IKZF4: variants seen among roughly 807,000 people sequenced by gnomAD.
IKZF4 encodes IKAROS family zinc finger 4.
IKZF4 carries 11 observed loss-of-function variants against 47.7 expected under a neutral mutation model. The observed-to-expected ratio is 0.23, with a 90% CI of 0.15 to 0.38. The LOEUF (loss-of-function observed/expected upper bound fraction) is 0.38. Among genes scored for constraint, IKZF4 ranks in the 10% least tolerant of loss-of-function variants. The pLI is 1.00. For missense variants in IKZF4, 557 were observed against 784.9 expected (o/e 0.71, Z 3.47); for synonymous variants, 298 against 299.4 (o/e 1.00, Z 0.05).
chr12:56,023,895 T>G (rs1213452845), intron 2 of IKZF4, 131 bp downstream of exon 2: 11 of 1,494,436 alleles, frequency 7.4e-6, no homozygotes, highest in African/African-American at 2.8e-5. Context: ...TTTAGGCCTG[T>G]GTGCACACAT....
chr12:56,008,442 C>T (rs1257960006), intron 1 of IKZF4, among the ~76,000 whole-genome samples: 1 of 152,136 alleles, frequency 6.6e-6, no homozygotes, highest in Non-Finnish European at 1.5e-5. Flanking sequence ...CCTGTACCTC[C>T]TCACACAAAC....
intron 2 of IKZF4, 153 bp from the exon 3 acceptor site, chr12:56,024,901 A>C: frequency 6.7e-7 from 1 of 1,488,616 alleles, no homozygotes; most frequent in Non-Finnish European, 8.9e-7. Flanking sequence ...TGGCGGGGGC[A>C]CAAGGTATGG....
chr12:56,023,021 G>A (rs1224556208), intron 1 of IKZF4, among the ~76,000 whole-genome samples: 1 of 152,006 alleles, frequency 6.6e-6, no homozygotes, highest in Non-Finnish European at 1.5e-5. Flanking sequence ...GGATGGTCTC[G>A]ATCTCCTGAC....
At chr12:56,033,504 A>G (rs941175669) in intron 7 of IKZF4, among the ~76,000 whole-genome samples, 183 bp downstream of exon 7, 1 of 152,104 alleles carries the variant, frequency 6.6e-6, no homozygotes, top group Non-Finnish European at 1.5e-5. Flanking sequence ...TCAGAAGATC[A>G]AGACCATCCC....
chr12:56,033,362 A>G, intron 7 of IKZF4, 41 bp downstream of exon 7: 2 of 1,611,372 alleles, frequency 1.2e-6, no homozygotes, highest in Non-Finnish European at 1.7e-6. Flanking sequence ...TTTAAGCCAC[A>G]GCTCAAATAA....
intron 1 of IKZF4, 154 bp downstream of exon 1, chr12:56,021,734 CG>C: frequency 1.3e-6 from 1 of 779,560 alleles, no homozygotes. Context: ...GTGTGTGTAG[CG>C]GGGGAGGGGG....
intron 2 of IKZF4, among the ~76,000 whole-genome samples, chr12:56,011,895 A>G (rs1467229402): frequency 6.6e-6 from 1 of 152,042 alleles, no homozygotes; most frequent in East Asian, 1.9e-4. Flanking sequence ...TCCCTCCTCA[A>G]TTATGCAAAG....
rs1381768763 is a variant in IKZF4 at position 56,035,399 on chromosome 12, A to G, written c.*68A>G. 5 of 1,517,758 alleles carry G rather than the reference A, an allele frequency of 3.3e-6. No individual in the cohort carries two copies. Among genetic ancestry groups the G allele is most frequent in the Non-Finnish European group, 4.4e-6 (5 of 1,126,232 alleles). 94.0% of individuals were successfully genotyped at this position (1,517,758 alleles called of 1,614,324 possible). ...ACTACAGGCATTGATCCCTGTCCCCACCATTTCCCAAGGAGTTTTGCTTTG... is the reference window on the plus strand; with the variant it reads ...ACTACAGGCATTGATCCCTGTCCCCGCCATTTCCCAAGGAGTTTTGCTTTG... On this transcript the variant is annotated 3_prime_UTR_variant, in exon 8 of 8. Transcript: ENST00000547167. The surrounding 1 kb of genome is among the most constrained non-coding windows in gnomAD (Gnocchi z 6.1).
At chr12:56,018,559 C>G (rs1273853405), upstream of IKZF4, among the ~76,000 whole-genome samples, 1 of 151,958 alleles carries the variant, frequency 6.6e-6, no homozygotes, top group Non-Finnish European at 1.5e-5. Flanking sequence ...AGCTCAAAGG[C>G]CTGCAAGGGC....
chr12:56,016,544 C>T (rs1160752300), upstream of IKZF4, among the ~76,000 whole-genome samples: 5 of 151,626 alleles, frequency 3.3e-5, no homozygotes, highest in East Asian at 9.8e-4. Flanking sequence ...GCCTCAGCCT[C>T]CCAAGTACCT....
chr12:56,033,115 T>C (rs1450359460), intron 6 of IKZF4, 75 bp from the exon 7 acceptor site: 1 of 1,570,118 alleles, frequency 6.4e-7, no homozygotes, highest in African/African-American at 1.4e-5. Context: ...CTGCTGGTTT[T>C]CTCCAGGCAA....
At chr12:56,032,783 A>C (rs1392915547) in intron 6 of IKZF4, 73 bp downstream of exon 6, 1 of 1,512,186 alleles carries the variant, frequency 6.6e-7, no homozygotes, top group Non-Finnish European at 9.2e-7. Context: ...GGGTGACTCC[A>C]GTATCTCCCA....
chr12:56,038,305 A>G lies in IKZF4; in HGVS notation c.*2974A>G, dbSNP rs1407181327. The G allele has an allele frequency of 6.6e-6, 1 of 152,166 alleles. No homozygotes were observed. The highest frequency in any genetic ancestry group is 1.5e-5 in the Non-Finnish European group (1 of 67,998). The allele number at this position is 152,166 out of a possible 1,614,324, so 9.4% of individuals were successfully genotyped here. Reference sequence around the variant, plus strand: ...AAGGGGAGTTAAACTAGCTTTTGAGACTTATTGCAAAGCATTTTGTATATG... The same window carrying G: ...AAGGGGAGTTAAACTAGCTTTTGAGGCTTATTGCAAAGCATTTTGTATATG... On this transcript the variant is annotated 3_prime_UTR_variant, in exon 8 of 8. Transcript: ENST00000547167.
In IKZF4 at chr12:56,035,080, G is replaced by A. The variant is rs1368622777; in HGVS notation, c.1507G>A (p.Glu503Lys). The change falls in exon 8 of 8, where the codon GAG (glutamate) becomes AAG (lysine). Residue 503 changes from glutamate (E) to lysine (K), a missense_variant. Physicochemically the swap from Glu to Lys is moderately conservative, Grantham distance 56 (BLOSUM62 1). Coordinates refer to ENST00000547167, the MANE Select transcript of IKZF4 (RefSeq NM_022465.4). The surrounding 1 kb of genome is among the most constrained non-coding windows in gnomAD (Gnocchi z 6.1). ...AYAKEDPKPQ[E>K]GLLRGTPGPS... ...CGCCAAAGAGGACCCCAAGCCACAGGAGGGGTTATTGCGGGGCACCCCAGG... is the reference window on the plus strand; with the variant it reads ...CGCCAAAGAGGACCCCAAGCCACAGAAGGGGTTATTGCGGGGCACCCCAGG... 1.4e-5 allele frequency: 22 copies of A among 1,599,156 alleles called. No homozygotes were observed. Among genetic ancestry groups the A allele is most frequent in the Non-Finnish European group, 1.9e-5 (22 of 1,172,186 alleles).
chr12:56,032,596 A>G lies in IKZF4; in HGVS notation c.751A>G (p.Asn251Asp). 1 of 1,613,916 alleles carries G rather than the reference A, an allele frequency of 6.2e-7. No homozygotes were observed. The highest frequency in any genetic ancestry group is 1.3e-5 in the African/African-American group (1 of 75,056). ...CACAGTGGGCAAGCCCTACAAGTGT[A>G]ACTACTGTGGCCGGAGCTACAAACA... ...SPTVGKPYKCNYCGRSYKQQS... is the reference protein window; with the variant it reads ...SPTVGKPYKCDYCGRSYKQQS... Residue 251 changes from asparagine (N) to aspartate (D), a missense_variant, in exon 6 of 8, where the codon AAC becomes GAC. By Grantham distance (23) the Asn-to-Asp change is conservative (BLOSUM62 1). This residue lies in a region of IKZF4 where 72 missense variants were observed against 112.4 expected (regional missense o/e 0.64). Coordinates refer to ENST00000547167, the MANE Select transcript of IKZF4 (RefSeq NM_022465.4).
chr12:56,025,138 C>A lies in IKZF4; in HGVS notation c.266C>A (p.Ser89Tyr). The A allele has an allele frequency of 6.3e-7, 1 of 1,596,598 alleles. No homozygotes were observed. Among genetic ancestry groups the A allele is most frequent in the East Asian group, 2.3e-5 (1 of 44,322 alleles). The change falls in exon 3 of 8, where the codon TCT (serine) becomes TAT (tyrosine). Residue 89 changes from serine to tyrosine, a missense_variant. Physicochemically the swap from Ser to Tyr is moderately radical, Grantham distance 144. Around this residue, in one of 6 missense-constraint regions of IKZF4, gnomAD observed 112 missense variants for 168.2 expected, o/e 0.67. Transcript: ENST00000547167. ...AGCACCCCCAACAGCCAGCACTCTT[C>A]TCCTAGCCGCTCACTCAGTGGTAAG... The part of the protein sequence containing the change: ...SVSTPNSQHS[S>Y]PSRSLSANSI...
At chr12:56,012,493 G>A (rs547155069) in intron 2 of IKZF4, among the ~76,000 whole-genome samples, 1 of 151,916 alleles carries the variant, frequency 6.6e-6, no homozygotes, top group East Asian at 1.9e-4. Flanking sequence ...GGCTGGTCTC[G>A]AACTCCTGAC....
chr12:56,008,522 T>G (rs947993043), intron 1 of IKZF4, among the ~76,000 whole-genome samples: 1 of 152,046 alleles, frequency 6.6e-6, no homozygotes, highest in East Asian at 1.9e-4. Context: ...TTTTCTATAT[T>G]ATTTCTGTGC....
chr12:56,034,833 A>C lies in IKZF4; in HGVS notation c.1260A>C (p.Glu420Asp), dbSNP rs768769120. The C allele has an allele frequency of 4.3e-6, 7 of 1,613,774 alleles. No individual in the cohort carries two copies. The East Asian group carries it at 1.3e-4, about 31-fold the overall frequency. Residue 420 changes from glutamate to aspartate, a missense_variant, in exon 8 of 8, where the codon GAA becomes GAC. This residue lies in a region of IKZF4 where 280 missense variants were observed against 314.0 expected (regional missense o/e 0.89). Coordinates refer to ENST00000547167, the MANE Select transcript of IKZF4 (RefSeq NM_022465.4). ...GACTGGAGCTTCCAGGATCCCGAGA[A>C]GCAGGTGAGGGACCTGAGGACCTGG... ...PGRLELPGSREAGEGPEDLAD... is the reference protein window; with the variant it reads ...PGRLELPGSRDAGEGPEDLAD...
Sources: gnomAD v4.1 joint callset for allele counts (sites outside exome capture counted in the v4.1 genomes callset) on GRCh38, gnomAD v4.1.1 for gene constraint, gnomAD v4.1.1 regional missense constraint, Gnocchi (gnomAD v3.1) non-coding constraint, MANE v1.5 for transcripts, NCBI Gene and HGNC (gene_info 2026-07-23, HGNC 2026-07-21) for gene names.